Variants in KAZN observed in about 807,000 individuals in gnomAD.
KAZN encodes the protein kazrin, periplakin interacting protein, also known as kazrin.
A neutral mutation model predicts 87.4 loss-of-function variants in KAZN; 40 were observed. That is an observed-to-expected ratio of 0.46 (90% CI 0.36 to 0.60). The LOEUF (loss-of-function observed/expected upper bound fraction) is 0.60. KAZN is among the 20% of genes least tolerant of loss of function. KAZN has a pLI of 0.00. For missense variants in KAZN, 898 were observed against 1,073.9 expected (o/e 0.84, Z 2.29); for synonymous variants, 466 against 458.3 (o/e 1.02, Z -0.22).
chr1:13,959,222 C>A (rs1641662502), intron 1 of KAZN, among the ~76,000 whole-genome samples: 2 of 152,330 alleles, frequency 1.3e-5, no homozygotes, highest in Admixed American at 1.3e-4. Flanking sequence ...AGAAACACTT[C>A]TGTGAGTCAG....
intron 1 of KAZN, among the ~76,000 whole-genome samples, chr1:13,982,988 G>T (rs1638815230): frequency 6.7e-6 from 1 of 148,314 alleles, no homozygotes; most frequent in Admixed American, 6.7e-5. Flanking sequence ...CTGATTGGTG[G>T]GTTTACAAAC....
intron 5 of KAZN, among the ~76,000 whole-genome samples, chr1:15,057,213 T>A (rs149463219): frequency 6.6e-6 from 1 of 152,346 alleles, no homozygotes; most frequent in African/African-American, 2.4e-5. Flanking sequence ...ACTGCTGGGT[T>A]CAACTCTGGC....
chr1:14,422,861 G>T (rs978707607), intron 2 of KAZN, among the ~76,000 whole-genome samples: 1 of 152,172 alleles, frequency 6.6e-6, no homozygotes, highest in African/African-American at 2.4e-5. Flanking sequence ...TCTAGTAGAA[G>T]AATAATTTCC....
intron 2 of KAZN, among the ~76,000 whole-genome samples, chr1:14,514,277 A>C (rs1404716705): frequency 3.2e-5 from 4 of 126,606 alleles, no homozygotes; most frequent in Non-Finnish European, 4.8e-5. Context: ...GTAAGCTGAG[A>C]TCGCGCCACT....
intron 1 of KAZN, among the ~76,000 whole-genome samples, chr1:14,088,514 A>C (rs112018641): frequency 6.6e-6 from 1 of 151,998 alleles, no homozygotes; most frequent in Non-Finnish European, 1.5e-5. Context: ...ATATGATTTC[A>C]ATTCTTTAAA....
Position 13,958,827 on chromosome 1 carries a change from C to T in KAZN, c.91+65071C>T, listed in dbSNP as rs576275864. Among the ~76,000 whole-genome samples, 28 of 152,024 alleles carry T rather than the reference C, an allele frequency of 1.8e-4. No individual in the cohort carries two copies. The South Asian group carries it at 4.8e-3, about 26-fold the overall frequency. On this transcript the variant is annotated intron_variant, in intron 1 of 16. Transcript: ENST00000636203. ...GAGACCAATGTGGCTGGAGCCAAGG[C>T]GGGAGTGGAAGTGAATTGGAGGCAG...
intron 2 of KAZN, among the ~76,000 whole-genome samples, chr1:14,528,337 C>CAAAAAAAAAAAAAAA (rs33960231): frequency 3.2e-4 from 16 of 49,360 alleles, no homozygotes; most frequent in Non-Finnish European, 3.7e-4. Flanking sequence ...GACTCCATCT[C>CAAAAAAAAAAAAAAA]AAAAAAAAAA....
At chr1:14,982,417 A>ATTTTTTTT (rs71000353) in intron 2 of KAZN, among the ~76,000 whole-genome samples, 3 of 64,828 alleles carry the variant, frequency 4.6e-5, no homozygotes, top group African/African-American at 7.9e-5. Flanking sequence ...AGCACCTGAG[A>ATTTTTTTT]TTTTTTTTTT....
intron 1 of KAZN, among the ~76,000 whole-genome samples, chr1:14,847,048 G>T (rs1329742872): frequency 4.6e-5 from 7 of 152,150 alleles, no homozygotes; most frequent in Non-Finnish European, 1.0e-4. Flanking sequence ...AGTGGGTAGT[G>T]ATTTTTTTCT....
rs188284229 is a variant in KAZN at position 14,021,561 on chromosome 1, G to T, written c.91+127805G>T. ...GGTTGTGGAAGGAGGAGAGGGTCTA[G>T]GTCTCTCTATTTTTTCCAAGTTCCC... On this transcript the variant is annotated intron_variant, in intron 1 of 16. Transcript: ENST00000636203. Among the ~76,000 whole-genome samples, 435 of 151,486 alleles carry T rather than the reference G, an allele frequency of 2.9e-3. 2 individuals carry two copies. Among genetic ancestry groups the T allele is most frequent in the Non-Finnish European group, 4.3e-3 (295 of 68,026 alleles).
intron 1 of KAZN, among the ~76,000 whole-genome samples, chr1:14,709,856 T>C (rs534274526): frequency 2.0e-5 from 3 of 152,264 alleles, no homozygotes; most frequent in African/African-American, 7.2e-5. Flanking sequence ...GAGATCAGGT[T>C]TTCTGCTCTG....
chr1:14,095,050 A>G (rs1458592353), intron 1 of KAZN, among the ~76,000 whole-genome samples: 1 of 152,200 alleles, frequency 6.6e-6, no homozygotes, highest in Non-Finnish European at 1.5e-5. Context: ...GTATCTAAGA[A>G]TGTAGGGCAG....
chr1:14,742,766 A>G (rs1242981486), intron 1 of KAZN, among the ~76,000 whole-genome samples: 1 of 152,114 alleles, frequency 6.6e-6, no homozygotes, highest in South Asian at 2.1e-4. Flanking sequence ...ACAGTTCAAA[A>G]CCCATTTGCT....
chr1:14,855,456 G>A (rs1387381688), intron 1 of KAZN, among the ~76,000 whole-genome samples: 1 of 152,154 alleles, frequency 6.6e-6, no homozygotes, highest in Non-Finnish European at 1.5e-5. Flanking sequence ...AAAAGCCTAT[G>A]CGCCTCATTC....
At chr1:14,255,985 C>T (rs1650480276) in intron 2 of KAZN, among the ~76,000 whole-genome samples, 1 of 152,136 alleles carries the variant, frequency 6.6e-6, no homozygotes, top group Non-Finnish European at 1.5e-5. Context: ...AGTTTGATTT[C>T]CCTTTTCTTT....
intron 2 of KAZN, among the ~76,000 whole-genome samples, chr1:14,279,744 T>A (rs1348623994): frequency 6.6e-6 from 1 of 152,152 alleles, no homozygotes; most frequent in Non-Finnish European, 1.5e-5. Flanking sequence ...CAAGGCAGGG[T>A]CCTGGACATT....
chr1:14,868,043 T>G (rs890703419), intron 1 of KAZN, among the ~76,000 whole-genome samples: 1 of 78,414 alleles, frequency 1.3e-5, no homozygotes, highest in African/African-American at 3.7e-5. Flanking sequence ...TCGCATAGCA[T>G]GGCATCACAT....
chr1:14,867,863 G>A (rs568688532), intron 1 of KAZN, among the ~76,000 whole-genome samples: 133 of 152,358 alleles, frequency 8.7e-4, no homozygotes, highest in African/African-American at 3.1e-3. Context: ...ATATAAGGCT[G>A]TGGACTGCAC....
intron 1 of KAZN, among the ~76,000 whole-genome samples, chr1:14,066,279 T>C (rs937722585): frequency 2.0e-5 from 3 of 152,254 alleles, no homozygotes; most frequent in African/African-American, 7.2e-5. Context: ...GTGATAAACA[T>C]ACCTGTGCAG....
Sources: allele counts gnomAD v4.1 joint callset (sites outside exome capture counted in the v4.1 genomes callset), GRCh38; gene constraint gnomAD v4.1.1; transcripts MANE v1.5; gene names NCBI Gene and HGNC (gene_info 2026-07-23, HGNC 2026-07-21).